MEGF11: variants seen among roughly 807,000 people sequenced by gnomAD.
MEGF11 encodes multiple EGF like domains 11, also known as multiple epidermal growth factor-like domains protein 11.
MEGF11 carries 126 observed loss-of-function variants against 146.6 expected under a neutral mutation model. The ratio of observed to expected loss-of-function variants is 0.86; its 90% CI spans 0.74 to 1.00. MEGF11 has a LOEUF of 1.00. Ranked by LOEUF, MEGF11 falls within the 50% of genes least tolerant of loss-of-function variation. MEGF11 has a pLI of 0.00. For synonymous variants in MEGF11, 532 were observed against 583.4 expected, an observed-to-expected ratio of 0.91 and a Z score of 1.27; for missense variants, 1,509 against 1,521.2, an observed-to-expected ratio of 0.99 and a Z score of 0.13.
At chr15:66,180,721 T>A (rs2090522685) in intron 1 of MEGF11, among the ~76,000 whole-genome samples, 1 of 152,212 alleles carries the variant, frequency 6.6e-6, no homozygotes, top group Non-Finnish European at 1.5e-5. Flanking sequence ...TCCCCGGGCA[T>A]CAAAGCCACA....
intron 1 of MEGF11, among the ~76,000 whole-genome samples, chr15:66,192,559 G>A (rs888667146): frequency 4.0e-5 from 6 of 151,428 alleles, no homozygotes; most frequent in Non-Finnish European, 7.4e-5. Flanking sequence ...CTAGGATATA[G>A]GTTTTATAAT....
At chr15:66,165,439 G>C (rs2090071250) in intron 1 of MEGF11, among the ~76,000 whole-genome samples, 1 of 152,126 alleles carries the variant, frequency 6.6e-6, no homozygotes, top group South Asian at 2.1e-4. Context: ...GGAGAGTAGG[G>C]GCTCTGGGGA....
intron 10 of MEGF11, among the ~76,000 whole-genome samples, chr15:65,939,073 T>C (rs2079887672): frequency 6.6e-6 from 1 of 152,094 alleles, no homozygotes; most frequent in South Asian, 2.1e-4. Flanking sequence ...AGGGAGGCAA[T>C]TGTGTGAGTC....
intron 5 of MEGF11, among the ~76,000 whole-genome samples, chr15:66,008,002 C>T (rs944367078): frequency 1.2e-4 from 19 of 152,158 alleles, no homozygotes; most frequent in African/African-American, 2.7e-4. Context: ...TCTGCAGCAC[C>T]TCCTCCTGCC....
At chr15:65,986,332 T>C (rs1019515214) in intron 5 of MEGF11, among the ~76,000 whole-genome samples, 7 of 151,964 alleles carry the variant, frequency 4.6e-5, no homozygotes, top group South Asian at 4.1e-4. Flanking sequence ...CATTTATAGA[T>C]GAAAAAAAGC....
intron 1 of MEGF11, among the ~76,000 whole-genome samples, chr15:66,148,764 GC>G (rs2089461338): frequency 6.6e-6 from 1 of 152,166 alleles, no homozygotes; most frequent in Admixed American, 6.5e-5. Flanking sequence ...TAGGTCTGGT[GC>G]GGGGTCCCTG....
intron 5 of MEGF11, among the ~76,000 whole-genome samples, chr15:66,000,572 G>A (rs1272452373): frequency 1.3e-5 from 2 of 151,422 alleles, no homozygotes; most frequent in Admixed American, 1.3e-4. Context: ...CAGGGCCCAA[G>A]TCTGTTTTGT....
At chr15:66,131,368 G>T (rs1220004016) in intron 1 of MEGF11, among the ~76,000 whole-genome samples, 1 of 152,260 alleles carries the variant, frequency 6.6e-6, no homozygotes, top group East Asian at 1.9e-4. Flanking sequence ...GCCATCAGCT[G>T]CAGTGCACTT....
chr15:66,058,454 G>A (rs2084769411), intron 5 of MEGF11, among the ~76,000 whole-genome samples: 2 of 152,182 alleles, frequency 1.3e-5, no homozygotes, highest in African/African-American at 4.8e-5. Context: ...AGCTGAGGAG[G>A]CAGTTTCAGG....
At chr15:66,253,562 G>A (rs1410313609) in intron 1 of MEGF11, 43 bp downstream of exon 1, 1 of 150,546 alleles carries the variant, frequency 6.6e-6, no homozygotes, top group Non-Finnish European at 1.5e-5. Flanking sequence ...TGCCCCCGGC[G>A]TCCGAGACTC....
At chr15:65,936,602 C>T (rs2079797777) in intron 10 of MEGF11, among the ~76,000 whole-genome samples, 1 of 152,172 alleles carries the variant, frequency 6.6e-6, no homozygotes, top group Non-Finnish European at 1.5e-5. Flanking sequence ...AGTCTCTGGC[C>T]TTGGGCAACT....
chr15:66,141,289 T>TGTGTGAGAGAGA (rs1555475806), intron 1 of MEGF11, among the ~76,000 whole-genome samples: 12 of 101,254 alleles, frequency 1.2e-4, no homozygotes, highest in East Asian at 9.3e-4. Flanking sequence ...TGTGTGTGTG[T>TGTGTGAGAGAGA]GAGAGAGAGA....
chr15:65,958,610 T>C (rs908408514), intron 9 of MEGF11, among the ~76,000 whole-genome samples: 8 of 152,188 alleles, frequency 5.3e-5, no homozygotes, highest in African/African-American at 1.9e-4. Context: ...TCTTGGGAGA[T>C]CTGGGACTCC....
At position 66,008,411 on chromosome 15, in the gene MEGF11, G is replaced by GCACACA. The variant is rs995843726; in HGVS notation, c.395-25929_395-25924dup. ...GAAACACACATGCACACGCGCGCGC[G>GCACACA]CACACACACACACACACACACACAC... is the stretch of plus-strand genomic sequence containing the variant. On this transcript the variant is annotated intron_variant, in intron 5 of 25. Coordinates refer to ENST00000395614, the MANE Select transcript of MEGF11 (RefSeq NM_001385028.1). Among the ~76,000 whole-genome samples the GCACACA allele has an allele frequency of 6.5e-3, 337 of 52,084 alleles. 3 individuals are homozygous for GCACACA. Among genetic ancestry groups the GCACACA allele is most frequent in the African/African-American group, 0.016 (321 of 20,594 alleles). The allele number at this position is 52,084 out of a possible 152,430, so 34.2% of individuals were successfully genotyped here.
chr15:65,904,487 G>T (rs1378044203), intron 24 of MEGF11, among the ~76,000 whole-genome samples: 1 of 152,140 alleles, frequency 6.6e-6, no homozygotes, highest in African/African-American at 2.4e-5. Context: ...GGCCGATAGT[G>T]ACTCAGCCTT....
intron 10 of MEGF11, among the ~76,000 whole-genome samples, chr15:65,932,055 T>TTGAGAATAATCCCGA (rs1355901505): frequency 6.6e-6 from 1 of 152,202 alleles, no homozygotes; most frequent in Non-Finnish European, 1.5e-5. Context: ...TAGTGAGCTC[T>TTGAGAATAATCCCGA]TGAGAATAAT....
chr15:66,178,985 A>G (rs772166727), intron 1 of MEGF11, among the ~76,000 whole-genome samples: 2 of 152,222 alleles, frequency 1.3e-5, no homozygotes, highest in African/African-American at 4.8e-5. Context: ...CAAAAACCCC[A>G]TAAATTCCTG....
intron 5 of MEGF11, among the ~76,000 whole-genome samples, chr15:65,990,696 AAAGAAAGAAAGGAAGG>A (rs1157318173): frequency 4.1e-5 from 3 of 72,592 alleles, no homozygotes; most frequent in East Asian, 8.2e-4. Flanking sequence ...AAAGGAAGAG[AAAGAAAGAAAGGAAGG>A]AAGAAAGAAA....
chr15:66,132,078 A>T lies in MEGF11; in HGVS notation c.-8-3667T>A, dbSNP rs188078533. On this transcript the variant is annotated intron_variant, in intron 1 of 25. Transcript: ENST00000395614. ...AGGGACACTGGCATCATAGCAAACG[A>T]TCCCTCCTCCTGTCCAGGGCTTCTG... Among the ~76,000 whole-genome samples the T allele has an allele frequency of 3.9e-5, 6 of 152,294 alleles. No individual in the cohort carries two copies. In the East Asian group the frequency reaches 1.2e-3, roughly 29 times the overall value.
Sources: gnomAD v4.1 joint callset for allele counts (sites outside exome capture counted in the v4.1 genomes callset) on GRCh38, gnomAD v4.1.1 for gene constraint, MANE v1.5 for transcripts, NCBI Gene and HGNC (gene_info 2026-07-23, HGNC 2026-07-21) for gene names.